BSPH1: variants seen among roughly 807,000 people sequenced by gnomAD.
BSPH1 encodes binder of sperm protein homolog 1, also known as binder of sperm 1.
A neutral mutation model predicts 22.5 loss-of-function variants in BSPH1; 21 were observed. That is an observed-to-expected ratio of 0.93 (90% CI 0.66 to 1.35). The LOEUF (loss-of-function observed/expected upper bound fraction) is 1.35. Ranked by LOEUF, BSPH1 falls within the 40% of genes most tolerant of loss-of-function variation. The pLI is 0.00. For missense variants in BSPH1, 141 were observed against 154.2 expected, an observed-to-expected ratio of 0.91 and a Z score of 0.45; for synonymous variants, 42 against 53.6, an observed-to-expected ratio of 0.78 and a Z score of 0.95.
At chr19:47,977,329 G>A in intron 4 of BSPH1, 44 bp downstream of exon 4, 2 of 1,478,750 alleles carry the variant, frequency 1.4e-6, no homozygotes, top group Non-Finnish European at 1.8e-6. Context: ...CAGCCTCAGA[G>A]ACCAAGATTA....
intron 5 of BSPH1, among the ~76,000 whole-genome samples, chr19:47,968,977 C>T (rs910252830): frequency 7.7e-5 from 11 of 142,024 alleles, no homozygotes; most frequent in South Asian, 2.2e-4. Context: ...CCAGCCTGGG[C>T]GACAGAGCGA....
Position 47,992,154 on chromosome 19 carries a change from G to T in BSPH1, c.-73C>A. The T allele has an allele frequency of 8.7e-7, 1 of 1,153,822 alleles. No homozygotes were observed. 71.5% of individuals were successfully genotyped at this position (1,153,822 alleles called of 1,614,324 possible). A position where few individuals can be genotyped will look rare whatever the true frequency, so the allele number is the denominator to read the frequency against. On this transcript the variant is annotated 5_prime_UTR_variant, in exon 1 of 6. Coordinates refer to ENST00000344839, the MANE Select transcript of BSPH1 (RefSeq NM_001128326.2). ...AGCCAGGGCTCAAGAATCCCCTGGA[G>T]AGGCCCAGGGAGGCTTCTTGGAAAA...
chr19:47,973,230 T>A (rs1416679875), intron 5 of BSPH1, among the ~76,000 whole-genome samples: 15 of 115,178 alleles, frequency 1.3e-4, no homozygotes, highest in African/African-American at 5.3e-4. Context: ...ATAATAATAA[T>A]AATAATAATA....
intron 5 of BSPH1, among the ~76,000 whole-genome samples, chr19:47,975,285 C>T (rs900179336): frequency 3.3e-5 from 5 of 152,188 alleles, no homozygotes; most frequent in Admixed American, 2.6e-4. Context: ...TCTGCCTCTG[C>T]CTCCCAAAGT....
At chr19:47,973,172 G>T (rs966567548) in intron 5 of BSPH1, among the ~76,000 whole-genome samples, 1 of 150,724 alleles carries the variant, frequency 6.6e-6, no homozygotes, top group Non-Finnish European at 1.5e-5. Context: ...AGCCGAGATC[G>T]CGCCACTGCA....
intron 1 of BSPH1, among the ~76,000 whole-genome samples, chr19:47,986,771 A>T (rs7507891): frequency 4.6e-5 from 7 of 152,088 alleles, no homozygotes; most frequent in East Asian, 1.9e-4. Context: ...AAATAAAAAT[A>T]AAAAAAATCT....
rs533136305 is a variant in BSPH1, at chr19:47,986,116, T to A, written c.74-5175A>T. ...AAAAAAAGCTGCAGTGGCCTCCCTATCGTGGGGAATTGCTGTAGCCTGCTA... is the reference window on the plus strand; with the variant it reads ...AAAAAAAGCTGCAGTGGCCTCCCTAACGTGGGGAATTGCTGTAGCCTGCTA... On this transcript the variant is annotated intron_variant, in intron 1 of 5. Coordinates refer to ENST00000344839, the MANE Select transcript of BSPH1 (RefSeq NM_001128326.2). Among the ~76,000 whole-genome samples the A allele has an allele frequency of 2.6e-5, 4 of 152,248 alleles. No individual in the cohort carries two copies. In the East Asian group the frequency reaches 7.7e-4, roughly 29 times the overall value.
intron 3 of BSPH1, among the ~76,000 whole-genome samples, chr19:47,978,061 C>T (rs1308021049): frequency 6.8e-6 from 1 of 146,732 alleles, no homozygotes; most frequent in Non-Finnish European, 1.5e-5. Flanking sequence ...TACAGGCACA[C>T]ATACATAATT....
downstream of BSPH1, among the ~76,000 whole-genome samples, chr19:47,967,678 G>T (rs1471707457): frequency 6.6e-6 from 1 of 152,142 alleles, no homozygotes; most frequent in Non-Finnish European, 1.5e-5. Context: ...CCTCATCTTA[G>T]CTTAATTGCC....
chr19:47,982,659 T>C (rs1473853177), intron 1 of BSPH1, among the ~76,000 whole-genome samples: 2 of 152,194 alleles, frequency 1.3e-5, no homozygotes, highest in Non-Finnish European at 2.9e-5. Context: ...TAAACCCATG[T>C]TCATGGTAGC....
chr19:47,968,295 C>T (rs1032304596), intron 5 of BSPH1, 86 bp from the exon 6 acceptor site: 25 of 152,008 alleles, frequency 1.6e-4, no homozygotes, highest in African/African-American at 6.0e-4. Context: ...GGTACTAAAA[C>T]ATCTGATCTG....
chr19:47,969,635 G>T (rs1247495585), intron 5 of BSPH1, among the ~76,000 whole-genome samples: 2 of 147,964 alleles, frequency 1.4e-5, no homozygotes, highest in African/African-American at 5.0e-5. Context: ...GAACCCTAAG[G>T]AACAGCAGAT....
intron 5 of BSPH1, among the ~76,000 whole-genome samples, chr19:47,975,649 A>ATTT (rs199878812): frequency 7.6e-4 from 95 of 124,934 alleles, no homozygotes; most frequent in Non-Finnish European, 9.9e-4. Context: ...AAGGTAATGC[A>ATTT]TTTTTTTTTT....
chr19:47,967,749 A>T (rs977415497), downstream of BSPH1, among the ~76,000 whole-genome samples: 2 of 152,204 alleles, frequency 1.3e-5, no homozygotes, highest in African/African-American at 4.8e-5. Context: ...TTGGGGCTTC[A>T]ACATATGAAT....
At chr19:47,984,366 A>C (rs1288771721) in intron 1 of BSPH1, among the ~76,000 whole-genome samples, 1 of 151,796 alleles carries the variant, frequency 6.6e-6, no homozygotes, top group East Asian at 1.9e-4. Context: ...GAAGAAGACA[A>C]AGCTATGCAC....
intron 5 of BSPH1, 119 bp downstream of exon 5, chr19:47,976,591 A>AAC: frequency 1.5e-6 from 1 of 679,154 alleles, no homozygotes; most frequent in South Asian, 2.3e-5. Context: ...AGAAAAAAAA[A>AAC]AAAAACAAAA....
At chr19:47,987,401 T>C (rs1359244974) in intron 1 of BSPH1, among the ~76,000 whole-genome samples, 1 of 151,636 alleles carries the variant, frequency 6.6e-6, no homozygotes, top group African/African-American at 2.4e-5. Flanking sequence ...TTTTTTTTTT[T>C]TGGAGACAGA....
chr19:47,991,914 T>A, intron 1 of BSPH1, 95 bp downstream of exon 1: 1 of 756,528 alleles, frequency 1.3e-6, no homozygotes, highest in Non-Finnish European at 2.2e-6. Flanking sequence ...TTCTTTCATC[T>A]TTCATCCCCA....
intron 5 of BSPH1, among the ~76,000 whole-genome samples, chr19:47,970,876 G>A (rs532751378): frequency 4.1e-4 from 62 of 152,278 alleles, no homozygotes; most frequent in African/African-American, 1.5e-3. Flanking sequence ...CTCCTTATGG[G>A]AGGATGAAAA....
Sources: allele counts gnomAD v4.1 joint callset (sites outside exome capture counted in the v4.1 genomes callset), GRCh38; gene constraint gnomAD v4.1.1; transcripts MANE v1.5; gene names NCBI Gene and HGNC (gene_info 2026-07-23, HGNC 2026-07-21).